The following CNTN6 variants were observed in gnomAD, a reference collection of about 807,000 sequenced individuals.
The protein encoded by CNTN6 is contactin-6.
A neutral mutation model predicts 122.8 loss-of-function variants in CNTN6; 137 were observed. The ratio of observed to expected loss-of-function variants is 1.12; its 90% CI spans 0.97 to 1.29. The LOEUF is 1.29. Among genes scored for constraint, CNTN6 ranks in the 50% most tolerant of loss-of-function variants. The pLI, the probability that CNTN6 is intolerant of heterozygous loss-of-function variation, is 0.00. For missense variants in CNTN6, 1,634 were observed against 1,223.4 expected (o/e 1.34, Z -5.01); for synonymous variants, 570 against 426.0 (o/e 1.34, Z -4.16).
chr3:1,130,108 AT>A (rs2092296942), intron 1 of CNTN6, among the ~76,000 whole-genome samples: 1 of 152,056 alleles, frequency 6.6e-6, no homozygotes, highest in Non-Finnish European at 1.5e-5. Context: ...AAACAAGAAG[AT>A]TGATTAGGGG....
chr3:1,126,398 G>T lies in CNTN6; in HGVS notation c.-82-21529G>T, dbSNP rs188062798. ...ATGTAGAATGGTGAGAGTCCATTTG[G>T]CTCAGAGAATGTTCAGTTTGACCTT... is the stretch of plus-strand genomic sequence containing the variant. On this transcript the variant is annotated intron_variant, in intron 1 of 22. Coordinates refer to ENST00000446702, the MANE Select transcript of CNTN6 (RefSeq NM_001289080.2). Among the ~76,000 whole-genome samples, 6 of 151,844 alleles carry T rather than the reference G, an allele frequency of 4.0e-5. No individual in the cohort carries two copies. The East Asian group carries it at 1.2e-3, about 29-fold the overall frequency.
intron 2 of CNTN6, among the ~76,000 whole-genome samples, chr3:1,160,344 G>GTGTATATATATATATATATATA (rs1553611145): frequency 9.0e-6 from 1 of 111,112 alleles, no homozygotes; most frequent in Non-Finnish European, 1.8e-5. Context: ...TACTTTTACT[G>GTGTATATATATATATATATATA]TATATATATA....
At chr3:1,233,550 A>T (rs1041711099) in intron 4 of CNTN6, among the ~76,000 whole-genome samples, 32 of 152,060 alleles carry the variant, frequency 2.1e-4, no homozygotes, top group African/African-American at 7.5e-4. Flanking sequence ...CCTGGCCAAC[A>T]TAGTGAAACC....
At chr3:1,252,200 A>G (rs1039922003) in intron 4 of CNTN6, among the ~76,000 whole-genome samples, 14 of 152,182 alleles carry the variant, frequency 9.2e-5, no homozygotes, top group Non-Finnish European at 2.1e-4. Flanking sequence ...AAATCTGCCA[A>G]CAATCACTTT....
chr3:1,263,473 G>A (rs1319676617), intron 4 of CNTN6, among the ~76,000 whole-genome samples: 1 of 152,108 alleles, frequency 6.6e-6, no homozygotes, highest in African/African-American at 2.4e-5. Flanking sequence ...ACACAAAGTG[G>A]TGGATATTGG....
chr3:1,235,780 T>C (rs1444124390), intron 4 of CNTN6, among the ~76,000 whole-genome samples: 3 of 152,082 alleles, frequency 2.0e-5, no homozygotes, highest in African/African-American at 7.2e-5. Context: ...TCGGCTTGCT[T>C]TCTCAATAGG....
At chr3:1,105,780 G>T (rs1328980302) in intron 1 of CNTN6, among the ~76,000 whole-genome samples, 5 of 152,096 alleles carry the variant, frequency 3.3e-5, no homozygotes, top group African/African-American at 1.2e-4. Context: ...ACCTAGCATT[G>T]TCTGGCCTGT....
At chr3:1,385,136 CT>C (rs963506572) in intron 19 of CNTN6, among the ~76,000 whole-genome samples, 19 of 150,824 alleles carry the variant, frequency 1.3e-4, no homozygotes, top group East Asian at 7.8e-4. Flanking sequence ...AATTTATTCT[CT>C]TTTTTTTTCA....
chr3:1,320,147 G>T (rs927115582), intron 7 of CNTN6, among the ~76,000 whole-genome samples: 5 of 151,532 alleles, frequency 3.3e-5, no homozygotes, highest in African/African-American at 1.2e-4. Context: ...AAGTGGCAAG[G>T]CTTTTTAAAA....
chr3:1,272,799 G>A (rs1428714136), intron 4 of CNTN6, among the ~76,000 whole-genome samples: 2 of 152,164 alleles, frequency 1.3e-5, no homozygotes, highest in Admixed American at 6.5e-5. Flanking sequence ...GGCAGCAAAT[G>A]TACAGTTTTC....
chr3:1,214,817 T>C (rs766287197), intron 2 of CNTN6, among the ~76,000 whole-genome samples: 1 of 152,176 alleles, frequency 6.6e-6, no homozygotes, highest in Non-Finnish European at 1.5e-5. Flanking sequence ...AGTACAGCAG[T>C]GTGATCATAG....
chr3:1,268,526 G>A (rs2094964038), intron 4 of CNTN6, among the ~76,000 whole-genome samples: 1 of 148,048 alleles, frequency 6.8e-6, no homozygotes. Flanking sequence ...AGAATGGCGT[G>A]AACCCGGGAG....
chr3:1,368,227 A>G (rs746892371), intron 12 of CNTN6, among the ~76,000 whole-genome samples: 7 of 152,242 alleles, frequency 4.6e-5, no homozygotes, highest in Non-Finnish European at 1.0e-4. Context: ...TACGAAAATC[A>G]TGAAGTCCCT....
chr3:1,099,101 A>C (rs1050476478), intron 1 of CNTN6, among the ~76,000 whole-genome samples: 1 of 152,014 alleles, frequency 6.6e-6, no homozygotes, highest in Admixed American at 6.6e-5. Flanking sequence ...TTGAAAGCAA[A>C]CTTATTTAAC....
chr3:1,298,178 T>G, intron 7 of CNTN6, 187 bp downstream of exon 7: 14 of 501,786 alleles, frequency 2.8e-5, no homozygotes, highest in East Asian at 6.8e-5. Context: ...ACCAGGCCTG[T>G]AACTGAAAAT....
chr3:1,150,138 A>C (rs2092807920), intron 2 of CNTN6, among the ~76,000 whole-genome samples: 1 of 152,200 alleles, frequency 6.6e-6, no homozygotes, highest in South Asian at 2.1e-4. Flanking sequence ...AATGACATAC[A>C]CAAGACAACA....
chr3:1,252,025 G>T (rs779302557), intron 4 of CNTN6, among the ~76,000 whole-genome samples: 3 of 152,058 alleles, frequency 2.0e-5, no homozygotes, highest in Non-Finnish European at 4.4e-5. Context: ...CCAATGAAAC[G>T]TTAAAACACA....
At chr3:1,136,977 C>T (rs775469586) in intron 1 of CNTN6, among the ~76,000 whole-genome samples, 1 of 152,112 alleles carries the variant, frequency 6.6e-6, no homozygotes, top group African/African-American at 2.4e-5. Context: ...CATAGAATCT[C>T]GCTTCTGTTG....
At chr3:1,290,966 C>G in intron 5 of CNTN6, among the ~76,000 whole-genome samples, 1 of 152,114 alleles carries the variant, frequency 6.6e-6, no homozygotes, top group East Asian at 1.9e-4. Flanking sequence ...CTTAAAATGC[C>G]TTAACTTTCT....
Sources: gnomAD v4.1 joint callset for allele counts (sites outside exome capture counted in the v4.1 genomes callset) on GRCh38, gnomAD v4.1.1 for gene constraint, MANE v1.5 for transcripts, NCBI Gene and HGNC (gene_info 2026-07-23, HGNC 2026-07-21) for gene names.